SYT14: variants seen among roughly 807,000 people sequenced by gnomAD.
SYT14 encodes synaptotagmin-14.
Under a neutral mutation model 74.2 loss-of-function variants are expected in SYT14, and 32 were observed. That is an observed-to-expected ratio of 0.43 (90% CI 0.33 to 0.58). SYT14 has a LOEUF of 0.58. SYT14 is among the 20% of genes least tolerant of loss of function. The pLI is 0.05. For synonymous variants in SYT14, 298 were observed against 337.7 expected (o/e 0.88, Z 1.29); for missense variants, 791 against 981.8 (o/e 0.81, Z 2.60).
chr1:209,989,640 T>C, intron 2 of SYT14, among the ~76,000 whole-genome samples: 1 of 152,328 alleles, frequency 6.6e-6, no homozygotes, highest in East Asian at 1.9e-4. Flanking sequence ...AAGTTAACAG[T>C]GATAAAAGAT....
intron 1 of SYT14, among the ~76,000 whole-genome samples, chr1:209,949,032 A>G (rs2078867784): frequency 6.6e-6 from 1 of 152,188 alleles, no homozygotes; most frequent in Middle Eastern, 3.2e-3. Context: ...ATCTAAGTCA[A>G]GGTATGTCTG....
At chr1:210,092,399 A>G (rs1172035505) in intron 5 of SYT14, among the ~76,000 whole-genome samples, 1 of 152,206 alleles carries the variant, frequency 6.6e-6, no homozygotes, top group African/African-American at 2.4e-5. Context: ...TGCTTTTATC[A>G]GGAAAACAAA....
chr1:210,003,292 T>G (rs1056526816), intron 2 of SYT14, among the ~76,000 whole-genome samples: 1 of 152,184 alleles, frequency 6.6e-6, no homozygotes, highest in Non-Finnish European at 1.5e-5. Flanking sequence ...TCATCTAGTT[T>G]TAATTATTCT....
intron 2 of SYT14, among the ~76,000 whole-genome samples, chr1:210,011,587 T>C (rs1003806850): frequency 6.6e-6 from 1 of 152,188 alleles, no homozygotes; most frequent in African/African-American, 2.4e-5. Flanking sequence ...TGAAAAGATA[T>C]AATGTCTTAT....
At chr1:209,953,065 C>CT (rs2078937371) in intron 2 of SYT14, 1 of 1,344,318 alleles carries the variant, frequency 7.4e-7, no homozygotes, top group Non-Finnish European at 9.7e-7. Context: ...AATCTGGAAT[C>CT]TGAGTGCATG....
chr1:210,007,796 A>G (rs1162581629), intron 2 of SYT14, among the ~76,000 whole-genome samples: 1 of 152,192 alleles, frequency 6.6e-6, no homozygotes, highest in East Asian at 1.9e-4. Flanking sequence ...TCCAGGTTCT[A>G]CCACTTCATA....
At chr1:209,948,509 C>G (rs974595736) in intron 1 of SYT14, among the ~76,000 whole-genome samples, 1 of 152,160 alleles carries the variant, frequency 6.6e-6, no homozygotes, top group African/African-American at 2.4e-5. Flanking sequence ...ATCTGTTTCT[C>G]CTTTCCATGT....
chr1:210,063,302 A>G (rs527760214), intron 5 of SYT14, among the ~76,000 whole-genome samples: 1 of 151,716 alleles, frequency 6.6e-6, no homozygotes, highest in Non-Finnish European at 1.5e-5. Flanking sequence ...ATTTATCACT[A>G]TGTTATTGCT....
intron 5 of SYT14, among the ~76,000 whole-genome samples, chr1:210,036,672 G>T (rs1396174518): frequency 6.6e-6 from 1 of 152,036 alleles, no homozygotes; most frequent in Non-Finnish European, 1.5e-5. Flanking sequence ...TGCTTTTTCA[G>T]CATCTGTTGA....
At chr1:210,010,140 C>G (rs1208455934) in intron 2 of SYT14, among the ~76,000 whole-genome samples, 1 of 152,132 alleles carries the variant, frequency 6.6e-6, no homozygotes, top group Non-Finnish European at 1.5e-5. Context: ...GTTGTTTTAA[C>G]CAATATAGTT....
At chr1:210,145,369 C>CA (rs2083009848) in intron 7 of SYT14, among the ~76,000 whole-genome samples, 1 of 152,180 alleles carries the variant, frequency 6.6e-6, no homozygotes, top group African/African-American at 2.4e-5. Context: ...CTCCCCAGTT[C>CA]AAAATGCCTC....
In SYT14 at chr1:210,064,853, G is replaced by A. The variant is rs192214520; in HGVS notation, c.1313-29469G>A. 5.9e-5 allele frequency among the ~76,000 whole-genome samples: 9 copies of A among 152,032 alleles called. No homozygotes were observed. In the East Asian group the frequency reaches 9.7e-4, roughly 16 times the overall value. The stretch of plus-strand genomic sequence containing the variant: ...TCAGAACTGCCAAACTGTTTTCTAC[G>A]ATGGCTGAACCCTTTTACACTCCAC... On this transcript the variant is annotated intron_variant, in intron 5 of 9. Transcript: ENST00000637265.
chr1:210,092,981 A>G (rs1166883322), intron 5 of SYT14, among the ~76,000 whole-genome samples: 1 of 152,218 alleles, frequency 6.6e-6, no homozygotes. Flanking sequence ...CCATTTTATA[A>G]CAGGTACTTG....
At chr1:209,987,758 G>A (rs928698220) in intron 2 of SYT14, among the ~76,000 whole-genome samples, 7 of 152,178 alleles carry the variant, frequency 4.6e-5, no homozygotes, top group Non-Finnish European at 1.0e-4. Flanking sequence ...CTAGATTAGC[G>A]GCTTTTATTC....
chr1:210,165,375 G>A (rs1477018589), exon 10 of SYT14: 2 of 152,146 alleles, frequency 1.3e-5, no homozygotes, highest in African/African-American at 4.8e-5. Context: ...GGACACAAGT[G>A]GTGGTACTTT....
intron 5 of SYT14, among the ~76,000 whole-genome samples, chr1:210,037,377 A>G (rs1293866934): frequency 6.6e-6 from 1 of 151,884 alleles, no homozygotes; most frequent in Non-Finnish European, 1.5e-5. Flanking sequence ...TCAAAGAACT[A>G]CGTTTCATTT....
chr1:210,167,269 T>G (rs1370853406), exon 10 of SYT14: 1 of 152,234 alleles, frequency 6.6e-6, no homozygotes, highest in East Asian at 1.9e-4. Context: ...TATCATCATC[T>G]AAATGGCTTC....
chr1:210,094,706 A>G (rs778527451), intron 6 of SYT14, 113 bp downstream of exon 5: 49 of 1,225,350 alleles, frequency 4.0e-5, no homozygotes, highest in Non-Finnish European at 4.9e-5. Context: ...TTTGTAACTT[A>G]TAGTACCAGT....
rs2080612265 is a variant in SYT14, at chr1:210,034,482, T to TA, written c.1312+13228_1312+13229insA. ...AGATGTAAGGGGTACAAGTACAGTGTTGTTGCATAGATATATTGCATAGTG... is the reference window on the plus strand; with the variant it reads ...AGATGTAAGGGGTACAAGTACAGTGTATGTTGCATAGATATATTGCATAGTG... On this transcript the variant is annotated intron_variant, in intron 5 of 9. Transcript: ENST00000637265. Among the ~76,000 whole-genome samples, 9 of 151,742 alleles carry TA rather than the reference T, an allele frequency of 5.9e-5. No homozygotes were observed. In the South Asian group the frequency reaches 1.9e-3, roughly 32 times the overall value.
Sources: gnomAD v4.1 joint callset for allele counts (sites outside exome capture counted in the v4.1 genomes callset) on GRCh38, gnomAD v4.1.1 for gene constraint, MANE v1.5 for transcripts, NCBI Gene and HGNC (gene_info 2026-07-23, HGNC 2026-07-21) for gene names.